TMEM87B: variants seen among roughly 807,000 people sequenced by gnomAD.
TMEM87B encodes transmembrane protein 87B.
A neutral mutation model predicts 80.3 loss-of-function variants in TMEM87B; 83 were observed. The ratio of observed to expected loss-of-function variants is 1.03; its 90% CI spans 0.87 to 1.24. TMEM87B has a LOEUF of 1.24. TMEM87B is among the 50% of genes most tolerant of loss of function. The pLI, the probability that TMEM87B is intolerant of heterozygous loss-of-function variation, is 0.00. For synonymous variants in TMEM87B, 219 were observed against 230.5 expected (o/e 0.95, Z 0.45); for missense variants, 625 against 674.4 (o/e 0.93, Z 0.81).
chr2:112,063,905 A>G (rs1678334744), intron 2 of TMEM87B, among the ~76,000 whole-genome samples: 1 of 152,242 alleles, frequency 6.6e-6, no homozygotes, highest in South Asian at 2.1e-4. Context: ...GCAGTGACTT[A>G]GCATATCAGG....
In TMEM87B at chr2:112,074,955, G is replaced by T. The variant is rs1391286322; in HGVS notation, c.494G>T (p.Arg165Ile). ...ATCAGAAATGTTTCAAACCAGGAAA[G>T]ATCAATGGTAAGCAGTTTGATTTGT... ...INIRNVSNQE[R>I]SMDVVARTQK... Residue 165 changes from arginine (R) to isoleucine (I), a missense_variant, in exon 5 of 19, where the codon AGA (arginine) becomes ATA (isoleucine). Arg to Ile is a moderately conservative substitution (Grantham distance 97). Transcript: ENST00000283206. 2 of 1,562,970 alleles carry T rather than the reference G, an allele frequency of 1.3e-6. No homozygotes were observed. The highest frequency in any genetic ancestry group is 1.7e-6 in the Non-Finnish European group (2 of 1,149,176).
At chr2:112,077,772 A>C (rs1678868732) in intron 6 of TMEM87B, among the ~76,000 whole-genome samples, 2 of 152,234 alleles carry the variant, frequency 1.3e-5, no homozygotes, top group Non-Finnish European at 2.9e-5. Flanking sequence ...CACCCCCACC[A>C]CTGTAAGTTA....
chr2:112,068,839 GTTTTA>G (rs1678523235), intron 4 of TMEM87B, among the ~76,000 whole-genome samples: 1 of 152,164 alleles, frequency 6.6e-6, no homozygotes, highest in African/African-American at 2.4e-5. Flanking sequence ...TAAGGAGAAG[GTTTTA>G]TTTTTATTTT....
chr2:112,067,484 A>T (rs1168160791), intron 4 of TMEM87B, among the ~76,000 whole-genome samples: 3 of 152,168 alleles, frequency 2.0e-5, no homozygotes, highest in African/African-American at 7.2e-5. Flanking sequence ...CCGTAGTCCC[A>T]GCTACTCGGG....
chr2:112,064,047 T>G, intron 2 of TMEM87B, 115 bp from the exon 3 acceptor site: 1 of 789,514 alleles, frequency 1.3e-6, no homozygotes, highest in Non-Finnish European at 2.0e-6. Flanking sequence ...TTAGCTAATG[T>G]TTTACTCATT....
intron 11 of TMEM87B, chr2:112,095,129 T>G (rs1679420276): frequency 1.1e-6 from 1 of 941,512 alleles, no homozygotes; most frequent in Non-Finnish European, 1.3e-6. Flanking sequence ...TTTTTCTTCT[T>G]GTTTCTCTTT....
intron 13 of TMEM87B, 35 bp from the exon 14 acceptor site, chr2:112,098,560 A>G (rs1166146211): frequency 1.2e-6 from 2 of 1,601,174 alleles, no homozygotes; most frequent in East Asian, 2.2e-5. Context: ...TTATCAGAAA[A>G]TTAACGTTTC....
intron 17 of TMEM87B, among the ~76,000 whole-genome samples, chr2:112,111,215 A>C (rs1679909581): frequency 6.6e-6 from 1 of 152,174 alleles, no homozygotes; most frequent in Non-Finnish European, 1.5e-5. Context: ...TTTTTGAGCA[A>C]GACTATATGG....
chr2:112,098,520 G>T, intron 13 of TMEM87B, 75 bp from the exon 14 acceptor site: 2 of 1,351,812 alleles, frequency 1.5e-6, no homozygotes, highest in Non-Finnish European at 2.1e-6. Flanking sequence ...ACTTGTCATT[G>T]TACATTATTT....
chr2:112,080,617 T>C (rs186852084), intron 6 of TMEM87B, among the ~76,000 whole-genome samples: 231 of 152,336 alleles, frequency 1.5e-3, no homozygotes, highest in African/African-American at 5.4e-3. Flanking sequence ...TGAGCTTATG[T>C]ATTTTGGATA....
Position 112,089,659 on chromosome 2 carries a change from G to C in TMEM87B, c.973G>C (p.Gly325Arg), listed in dbSNP as rs1005811034. Reference sequence around the variant, plus strand: ...AGGAACAGTCATGCACCGGGTGATCGGACTGGGGCTTCTATACTTAATCTT... The same window carrying C: ...AGGAACAGTCATGCACCGGGTGATCCGACTGGGGCTTCTATACTTAATCTT... ...RLGTVMHRVI[G>R]LGLLYLIFAA... is the part of the protein sequence containing the mutation. Residue 325 changes from glycine to arginine, a missense_variant, in exon 10 of 19, where the codon GGA becomes CGA. Transcript: ENST00000283206. 6.2e-7 allele frequency: 1 copy of C among 1,614,124 alleles called. No individual in the cohort carries two copies. Among genetic ancestry groups the C allele is most frequent in the Non-Finnish European group, 8.5e-7 (1 of 1,179,998 alleles).
At chr2:112,099,555 T>TATATATATATAC (rs1019425429) in intron 14 of TMEM87B, among the ~76,000 whole-genome samples, 7 of 73,570 alleles carry the variant, frequency 9.5e-5, no homozygotes, top group African/African-American at 3.0e-4. Flanking sequence ...TATATATATA[T>TATATATATATAC]ACACACACAC....
chr2:112,103,947 G>A (rs1202609226), intron 15 of TMEM87B, among the ~76,000 whole-genome samples: 3 of 152,178 alleles, frequency 2.0e-5, no homozygotes, highest in African/African-American at 7.2e-5. Flanking sequence ...ACCCATGCAT[G>A]TGTGGTCAGT....
chr2:112,081,028 A>C, intron 6 of TMEM87B, 29 bp from the exon 7 acceptor site: 2 of 1,580,996 alleles, frequency 1.3e-6, no homozygotes, highest in Non-Finnish European at 1.7e-6. Context: ...ACTGACTGTT[A>C]ATTAACTCTC....
chr2:112,081,111 T>G lies in TMEM87B; in HGVS notation c.647T>G (p.Leu216Arg). ...TATATCTCTGCATCAGATTGGCCCCTAATGATTGTGAGTATTTCTCATCAT... is the reference window on the plus strand; with the variant it reads ...TATATCTCTGCATCAGATTGGCCCCGAATGATTGTGAGTATTTCTCATCAT... ...HGYISASDWP[L>R]MIFYMVMCIV... Residue 216 changes from leucine (L) to arginine (R), a missense_variant, in exon 7 of 19, where the codon CTA becomes CGA. Physicochemically the swap from Leu to Arg is moderately radical, Grantham distance 102. Coordinates refer to ENST00000283206, the MANE Select transcript of TMEM87B (RefSeq NM_032824.3). 11 of 1,612,728 alleles carry G rather than the reference T, an allele frequency of 6.8e-6. No homozygotes were observed. Among genetic ancestry groups the G allele is most frequent in the Non-Finnish European group, 8.5e-6 (10 of 1,179,672 alleles).
intron 4 of TMEM87B, 102 bp from the exon 5 acceptor site, chr2:112,074,810 A>G: frequency 7.6e-7 from 1 of 1,320,954 alleles, no homozygotes; most frequent in South Asian, 1.5e-5. Context: ...TTAGCTTTTT[A>G]ATTTTTCATT....
intron 6 of TMEM87B, 52 bp downstream of exon 6, chr2:112,077,334 T>C (rs765996375): frequency 2.1e-6 from 2 of 961,292 alleles, no homozygotes; most frequent in Middle Eastern, 2.2e-4. Context: ...GTATTCTGTA[T>C]TTTTGTCACT....
At chr2:112,056,411 G>A (rs1332719733) in intron 1 of TMEM87B, among the ~76,000 whole-genome samples, 1 of 152,136 alleles carries the variant, frequency 6.6e-6, no homozygotes, top group African/African-American at 2.4e-5. Context: ...CGAATCTGGA[G>A]GCATGAGTGG....
At chr2:112,081,560 G>A (rs773830372) in intron 8 of TMEM87B, 42 bp downstream of exon 8, 1 of 1,547,864 alleles carries the variant, frequency 6.5e-7, no homozygotes, top group African/African-American at 1.4e-5. Context: ...TGATCTAAGA[G>A]TTCCCCAGTA....
Sources: allele counts gnomAD v4.1 joint callset (sites outside exome capture counted in the v4.1 genomes callset), GRCh38; gene constraint gnomAD v4.1.1; transcripts MANE v1.5; gene names NCBI Gene and HGNC (gene_info 2026-07-23, HGNC 2026-07-21).